The following MYO16 variants were observed in gnomAD, a reference collection of about 807,000 sequenced individuals.
The protein encoded by MYO16 is unconventional myosin-XVI.
A neutral mutation model predicts 205.3 loss-of-function variants in MYO16; 94 were observed. The ratio of observed to expected loss-of-function variants is 0.46; its 90% confidence interval spans 0.39 to 0.54. MYO16 has a LOEUF of 0.54. Among genes scored for constraint, MYO16 ranks in the 20% least tolerant of loss-of-function variants. MYO16 has a pLI of 0.00. For synonymous variants in MYO16, 988 were observed against 954.0 expected, an observed-to-expected ratio of 1.04 and a Z score of -0.66; for missense variants, 2,315 against 2,387.5, an observed-to-expected ratio of 0.97 and a Z score of 0.63.
chr13:108,616,286 CT>C (rs1879346899), intron 1 of MYO16, among the ~76,000 whole-genome samples: 1 of 152,164 alleles, frequency 6.6e-6, no homozygotes. Flanking sequence ...AACATGTTCA[CT>C]TTCTTTGTAT....
At chr13:108,510,473 T>A in the MYO16 span, among the ~76,000 whole-genome samples, 4 of 131,282 alleles carry the variant, frequency 3.0e-5, no homozygotes, top group African/African-American at 5.8e-5. Context: ...TTTTTTTTTT[T>A]TTTTTTTTTT....
chr13:109,010,473 A>C (rs1885554872), intron 22 of MYO16, among the ~76,000 whole-genome samples: 1 of 152,234 alleles, frequency 6.6e-6, no homozygotes, highest in South Asian at 2.1e-4. Context: ...TCCATGGAGA[A>C]TATCATCTTG....
chr13:109,175,858 G>C (rs949824296), intron 33 of MYO16, among the ~76,000 whole-genome samples: 2 of 152,000 alleles, frequency 1.3e-5, no homozygotes, highest in African/African-American at 4.8e-5. Context: ...AAAATGCGCC[G>C]TGGGATTCTC....
At chr13:108,608,417 G>A (rs8000758) in intron 1 of MYO16, among the ~76,000 whole-genome samples, 1 of 152,114 alleles carries the variant, frequency 6.6e-6, no homozygotes, top group South Asian at 2.1e-4. Flanking sequence ...TGCACACCTT[G>A]TCTTAAAGCT....
In MYO16 at chr13:109,034,889, G is replaced by A. The variant is rs188265063; in HGVS notation, c.2797-12027G>A. Among the ~76,000 whole-genome samples the A allele has an allele frequency of 5.9e-4, 90 of 152,262 alleles. No homozygotes were observed. In the Middle Eastern group the frequency reaches 0.017, roughly 29 times the overall value. On this transcript the variant is annotated intron_variant, in intron 23 of 34. Coordinates refer to ENST00000457511, the MANE Select transcript of MYO16 (RefSeq NM_001198950.3). ...ATCGATAAAATCATTAAAATTCAGT[G>A]TGAAGTGGCCAGAGATCAAAACTCA... is the stretch of plus-strand genomic sequence containing the variant.
At chr13:108,689,868 A>G in intron 2 of MYO16, among the ~76,000 whole-genome samples, 1 of 152,242 alleles carries the variant, frequency 6.6e-6, no homozygotes, top group East Asian at 1.9e-4. Context: ...TAAAAATAGT[A>G]TTCAAAACAA....
At chr13:108,578,495 T>C in the MYO16 span, among the ~76,000 whole-genome samples, 5 of 152,200 alleles carry the variant, frequency 3.3e-5, no homozygotes, top group African/African-American at 1.2e-4. Flanking sequence ...AAAAGGCATG[T>C]TATAAACAAG....
chr13:108,795,013 G>A (rs535371732), intron 6 of MYO16, among the ~76,000 whole-genome samples: 74 of 152,132 alleles, frequency 4.9e-4, no homozygotes, highest in Middle Eastern at 3.4e-3. Context: ...TTTATTAAGT[G>A]CCTGTGACCT....
At position 108,641,042 on chromosome 13, in the gene MYO16, T is replaced by C. The variant is rs567150999; in HGVS notation, c.28+11170T>C. 2.6e-5 allele frequency among the ~76,000 whole-genome samples: 4 copies of C among 152,186 alleles called. No individual in the cohort carries two copies. The South Asian group carries it at 8.3e-4, about 32-fold the overall frequency. ...TTGAAATAATTCTTAAACTGGAGTTTCAAATTGACTTGTGCATTCAGAAAA... is the reference window on the plus strand; with the variant it reads ...TTGAAATAATTCTTAAACTGGAGTTCCAAATTGACTTGTGCATTCAGAAAA... On this transcript the variant is annotated intron_variant, in intron 1 of 34. Coordinates refer to ENST00000457511, the MANE Select transcript of MYO16 (RefSeq NM_001198950.3).
intron 16 of MYO16, among the ~76,000 whole-genome samples, chr13:108,926,510 C>T (rs571658379): frequency 1.2e-4 from 19 of 152,034 alleles, no homozygotes; most frequent in African/African-American, 3.4e-4. Context: ...CGTGCTCAGG[C>T]GCAGGAGAAG....
chr13:109,204,583 G>A (rs1279766212), intron 34 of MYO16, among the ~76,000 whole-genome samples: 1 of 152,182 alleles, frequency 6.6e-6, no homozygotes, highest in Non-Finnish European at 1.5e-5. Flanking sequence ...TCAGATCCTA[G>A]ACCACAATAG....
At chr13:109,113,764 G>A (rs1016317785) in intron 28 of MYO16, among the ~76,000 whole-genome samples, 1 of 152,174 alleles carries the variant, frequency 6.6e-6, no homozygotes, top group Admixed American at 6.5e-5. Flanking sequence ...AGATGGGAAA[G>A]TGTGGGAGAA....
chr13:108,557,566 T>A, the MYO16 span, among the ~76,000 whole-genome samples: 1 of 152,206 alleles, frequency 6.6e-6, no homozygotes, highest in Non-Finnish European at 1.5e-5. Context: ...ACAATGCTAG[T>A]TGTTATCCTC....
intron 27 of MYO16, among the ~76,000 whole-genome samples, chr13:109,087,383 C>T (rs142727172): frequency 1.1e-3 from 165 of 152,346 alleles, no homozygotes; most frequent in African/African-American, 3.9e-3. Flanking sequence ...CAGTGGCTCA[C>T]GCCTGTAATC....
chr13:109,027,478 G>A (rs941571325), intron 23 of MYO16, among the ~76,000 whole-genome samples: 5 of 152,048 alleles, frequency 3.3e-5, no homozygotes, highest in Non-Finnish European at 5.9e-5. Flanking sequence ...CCACATCGTG[G>A]GGTGACATTC....
chr13:108,761,447 A>T (rs1201182426), intron 4 of MYO16, among the ~76,000 whole-genome samples: 2 of 140,804 alleles, frequency 1.4e-5, no homozygotes, highest in Non-Finnish European at 3.1e-5. Context: ...AGTGAAGCCG[A>T]GGGGGGAGAA....
chr13:108,690,070 T>G (rs1352206579), intron 2 of MYO16, among the ~76,000 whole-genome samples: 1 of 152,118 alleles, frequency 6.6e-6, no homozygotes, highest in Non-Finnish European at 1.5e-5. Flanking sequence ...GCCCAATGCC[T>G]TCCACCAGAT....
rs143917160 is a variant in MYO16 at position 108,778,508 on chromosome 13, A to C, written c.508-7127A>C. On this transcript the variant is annotated intron_variant, in intron 4 of 34. Transcript: ENST00000457511. The stretch of plus-strand genomic sequence containing the variant: ...GTGGTACACACCTATAGTCCCAGCT[A>C]CCTGGGAGGCTGAGGCAGGAGAATC... Among the ~76,000 whole-genome samples the C allele has an allele frequency of 4.1e-3, 630 of 152,310 alleles. 1 individual carries two copies. The highest frequency in any genetic ancestry group is 6.6e-3 in the Non-Finnish European group (447 of 68,030).
chr13:108,989,111 C>T (rs1260127929), intron 20 of MYO16, among the ~76,000 whole-genome samples: 2 of 152,120 alleles, frequency 1.3e-5, no homozygotes, highest in Non-Finnish European at 1.5e-5. Flanking sequence ...TAGTATAGAA[C>T]ATTTAAGAAA....
Sources: gnomAD v4.1 joint callset for allele counts (sites outside exome capture counted in the v4.1 genomes callset) on GRCh38, gnomAD v4.1.1 for gene constraint, MANE v1.5 for transcripts, NCBI Gene and HGNC (gene_info 2026-07-23, HGNC 2026-07-21) for gene names.